Variants in PIGN observed in about 807,000 individuals in gnomAD.
PIGN encodes the protein GPI ethanolamine phosphate transferase 1.
A neutral mutation model predicts 125.4 loss-of-function variants in PIGN; 117 were observed. The ratio of observed to expected loss-of-function variants is 0.93; its 90% CI spans 0.80 to 1.09. The LOEUF is 1.09. Among genes scored for constraint, PIGN ranks in the 50% least tolerant of loss-of-function variants. The probability of loss-of-function intolerance (pLI) is 0.00; values close to 1 mark genes in which losing one functional copy is unlikely to be tolerated. For synonymous variants in PIGN, 392 were observed against 377.8 expected (o/e 1.04, Z -0.44); for missense variants, 1,075 against 1,094.9 (o/e 0.98, Z 0.26).
At chr18:62,025,131 G>A (rs1378645278) in intron 23 of PIGN, among the ~76,000 whole-genome samples, 3 of 152,166 alleles carry the variant, frequency 2.0e-5, no homozygotes, top group Admixed American at 6.5e-5. Flanking sequence ...AAATAGGCCT[G>A]AATAAATGGA....
At chr18:62,166,248 G>A (rs183450340) in intron 1 of PIGN, among the ~76,000 whole-genome samples, 27 of 152,222 alleles carry the variant, frequency 1.8e-4, no homozygotes, top group Admixed American at 6.5e-4. Context: ...CTGGTATTGC[G>A]CTCTGGTTGG....
intron 4 of PIGN, among the ~76,000 whole-genome samples, chr18:62,159,696 G>T (rs2147578396): frequency 6.6e-6 from 1 of 152,308 alleles, no homozygotes; most frequent in South Asian, 2.1e-4. Flanking sequence ...CAGCATTAGA[G>T]TTCATCCATT....
chr18:62,119,843 CA>C (rs112645000), intron 14 of PIGN, among the ~76,000 whole-genome samples: 80,129 of 129,438 alleles, frequency 0.62, 22,857 homozygotes, highest in East Asian at 0.8. Context: ...GACTCTGTCT[CA>C]AAAAAAAAAA....
intron 30 of PIGN, among the ~76,000 whole-genome samples, chr18:62,071,863 C>CATATATATATATATATATGTATATATAT (rs2032872237): frequency 2.6e-5 from 2 of 77,606 alleles, no homozygotes; most frequent in African/African-American, 9.1e-5. Context: ...ACTCCTTTTC[C>CATATATATATATATATATGTATATATAT]ATATATATAT....
chr18:62,079,261 C>T (rs1238614295), intron 28 of PIGN, among the ~76,000 whole-genome samples: 3 of 152,196 alleles, frequency 2.0e-5, no homozygotes, highest in African/African-American at 4.8e-5. Flanking sequence ...TTTCCCCTGA[C>T]ATTTAACACT....
intron 23 of PIGN, among the ~76,000 whole-genome samples, chr18:62,035,505 A>G (rs766931677): frequency 6.6e-6 from 1 of 152,212 alleles, no homozygotes; most frequent in Non-Finnish European, 1.5e-5. Context: ...GCCTTATTTA[A>G]GAAACCTAAC....
chr18:62,116,955 TAAG>T (rs1318170850), intron 14 of PIGN, among the ~76,000 whole-genome samples: 4 of 152,074 alleles, frequency 2.6e-5, no homozygotes, highest in Non-Finnish European at 5.9e-5. Context: ...AAAAAATTCT[TAAG>T]GAGAAATATT....
intron 6 of PIGN, among the ~76,000 whole-genome samples, chr18:62,155,357 G>A (rs759255394): frequency 1.3e-5 from 2 of 151,952 alleles, no homozygotes; most frequent in Non-Finnish European, 2.9e-5. Flanking sequence ...ACCGGAGGTC[G>A]GGAGATCGAG....
At chr18:62,168,031 C>T (rs919193349) in intron 1 of PIGN, among the ~76,000 whole-genome samples, 9 of 147,288 alleles carry the variant, frequency 6.1e-5, no homozygotes, top group African/African-American at 2.2e-4. Flanking sequence ...CCTATCTCTA[C>T]CAAAAATACA....
chr18:62,177,462 C>A (rs1947259027), intron 1 of PIGN, among the ~76,000 whole-genome samples: 1 of 152,134 alleles, frequency 6.6e-6, no homozygotes, highest in Non-Finnish European at 1.5e-5. Context: ...AGCATTTTGA[C>A]ATATTTAAGA....
At chr18:62,036,923 T>C (rs1366949946), downstream of PIGN, among the ~76,000 whole-genome samples, 1 of 152,188 alleles carries the variant, frequency 6.6e-6, no homozygotes, top group African/African-American at 2.4e-5. Flanking sequence ...TCTGCCAGTT[T>C]CATTATTATT....
At chr18:62,120,036 T>C (rs1344240778) in intron 14 of PIGN, among the ~76,000 whole-genome samples, 1 of 151,972 alleles carries the variant, frequency 6.6e-6, no homozygotes, top group Non-Finnish European at 1.5e-5. Context: ...AGAAGCAATA[T>C]CTGATAAGAT....
chr18:62,030,836 G>A (rs1441867623), intron 23 of PIGN, among the ~76,000 whole-genome samples: 7 of 152,106 alleles, frequency 4.6e-5, no homozygotes, highest in African/African-American at 1.4e-4. Flanking sequence ...GACTCTTGCC[G>A]GGTACAGTGT....
At chr18:62,171,425 T>C (rs1409057580) in intron 1 of PIGN, among the ~76,000 whole-genome samples, 2 of 152,198 alleles carry the variant, frequency 1.3e-5, no homozygotes, top group African/African-American at 2.4e-5. Flanking sequence ...ATAAAGACAA[T>C]TGTACTTCTT....
chr18:62,105,609 A>G lies in PIGN; in HGVS notation c.1793T>C (p.Phe598Ser), dbSNP rs751256770. ...AKMTSLSWTF[F>S]SLLLAVFPLM... ...TGGGAACACTGCCAGGAGCAAAGAG[A>G]AGAAAGTCCAACTCAGTGAGGTCAT... Residue 598 changes from phenylalanine (F) to serine (S), a missense_variant, in exon 20 of 31, where the codon TTC (phenylalanine) becomes TCC (serine). This residue lies in a region of PIGN where 915 missense variants were observed against 908.7 expected (regional missense o/e 1.01). Coordinates refer to ENST00000640252, the MANE Select transcript of PIGN (RefSeq NM_176787.5). 8.4e-6 allele frequency: 13 copies of G among 1,552,880 alleles called. No homozygotes were observed. In the African/African-American group the frequency reaches 1.6e-4, roughly 20 times the overall value.
intron 10 of PIGN, among the ~76,000 whole-genome samples, chr18:62,143,946 A>G (rs1330104148): frequency 1.3e-5 from 2 of 152,178 alleles, no homozygotes; most frequent in Non-Finnish European, 2.9e-5. Flanking sequence ...ATTATGAGAG[A>G]CCGTCTTGAT....
intron 1 of PIGN, among the ~76,000 whole-genome samples, chr18:62,173,254 C>T (rs1380860772): frequency 4.6e-5 from 7 of 152,106 alleles, no homozygotes; most frequent in Non-Finnish European, 1.0e-4. Flanking sequence ...GGTGTCTATT[C>T]TGTTTATTTA....
chr18:62,085,353 G>T, intron 25 of PIGN, 89 bp from the exon 26 acceptor site: 1 of 854,152 alleles, frequency 1.2e-6, no homozygotes, highest in Non-Finnish European at 1.9e-6. Context: ...TTTACCTTGA[G>T]AGTAATTTGC....
chr18:62,181,711 C>G (rs935041522), intron 1 of PIGN, among the ~76,000 whole-genome samples: 7 of 151,832 alleles, frequency 4.6e-5, no homozygotes, highest in Admixed American at 2.6e-4. Flanking sequence ...TGGGCCCAGT[C>G]GCCTTCTCCT....
Sources: allele counts gnomAD v4.1 joint callset (sites outside exome capture counted in the v4.1 genomes callset), GRCh38; gene constraint gnomAD v4.1.1; regional missense constraint gnomAD v4.1.1; transcripts MANE v1.5; gene names NCBI Gene and HGNC (gene_info 2026-07-23, HGNC 2026-07-21).